Variants in KCTD16 observed in about 807,000 individuals in gnomAD.
The protein encoded by KCTD16 is BTB/POZ domain-containing protein KCTD16.
Under a neutral mutation model 33.2 loss-of-function variants are expected in KCTD16, and 13 were observed. That is an observed-to-expected ratio of 0.39 (90% CI 0.25 to 0.62). The LOEUF (loss-of-function observed/expected upper bound fraction) is 0.62, where lower values mean the gene tolerates loss of function less well. KCTD16 is among the 20% of genes least tolerant of loss of function. KCTD16 has a pLI of 0.50. For synonymous variants in KCTD16, 197 were observed against 195.3 expected (o/e 1.01, Z -0.07); for missense variants, 441 against 525.1 (o/e 0.84, Z 1.57).
intron 3 of KCTD16, among the ~76,000 whole-genome samples, chr5:144,411,507 C>G (rs929964628): frequency 1.1e-4 from 16 of 152,120 alleles, no homozygotes; most frequent in African/African-American, 3.6e-4. Context: ...CGAGTCTTCT[C>G]TCTCTCACCA....
At chr5:144,227,392 G>T (rs1310602893) in intron 3 of KCTD16, among the ~76,000 whole-genome samples, 1 of 152,178 alleles carries the variant, frequency 6.6e-6, no homozygotes, top group Non-Finnish European at 1.5e-5. Flanking sequence ...GAAGGGTAGT[G>T]TAGCTGGAAC....
chr5:144,398,498 G>C (rs1296506589), intron 3 of KCTD16, among the ~76,000 whole-genome samples: 2 of 152,172 alleles, frequency 1.3e-5, no homozygotes, highest in Non-Finnish European at 2.9e-5. Flanking sequence ...GAAAAAGTGA[G>C]AATTTTCTTT....
intron 3 of KCTD16, among the ~76,000 whole-genome samples, chr5:144,364,347 T>C (rs1751784673): frequency 2.0e-5 from 3 of 152,204 alleles, no homozygotes; most frequent in South Asian, 4.1e-4. Flanking sequence ...TTTCATTTTT[T>C]TGTTTTCTCT....
intron 3 of KCTD16, among the ~76,000 whole-genome samples, chr5:144,470,486 G>A (rs1483089695): frequency 2.0e-5 from 3 of 152,094 alleles, no homozygotes; most frequent in Non-Finnish European, 2.9e-5. Flanking sequence ...TGGATCAGCT[G>A]GATGGGGCCC....
At chr5:144,363,375 T>C (rs78002145) in intron 3 of KCTD16, among the ~76,000 whole-genome samples, 7,365 of 152,006 alleles carry the variant, frequency 0.048, 592 homozygotes, top group African/African-American at 0.16. Flanking sequence ...TATGTGTGTG[T>C]GTGCTAAAGT....
At chr5:144,290,125 A>G (rs571905313) in intron 3 of KCTD16, among the ~76,000 whole-genome samples, 6 of 152,042 alleles carry the variant, frequency 3.9e-5, no homozygotes, top group Non-Finnish European at 8.8e-5. Flanking sequence ...TAAAAAATAT[A>G]TATATACACA....
rs1752338673 is a variant in KCTD16 at position 144,387,019 on chromosome 5, T to C, written c.833-86641T>C. 2.0e-5 allele frequency among the ~76,000 whole-genome samples: 3 copies of C among 151,974 alleles called. No homozygotes were observed. In the South Asian group the frequency reaches 6.2e-4, roughly 32 times the overall value. On this transcript the variant is annotated intron_variant, in intron 3 of 3. Transcript: ENST00000512467. ...ACAATCCTCCTCTGTTGGGGTACAG[T>C]GCAGTGGCTGGTTCATGGCTCACTG...
chr5:144,444,663 CATTTTCTTCTGGCATAAAGTCTTACTAT>C (rs1753781638), intron 3 of KCTD16, among the ~76,000 whole-genome samples: 2 of 151,794 alleles, frequency 1.3e-5, no homozygotes, highest in Non-Finnish European at 2.9e-5. Context: ...CGTGATACTA[CATTTTCTTCTGGCATAAAGTCTTACTAT>C]CAAAAAATCT....
rs535318716 is a variant in KCTD16 at position 144,227,197 on chromosome 5, G to A, written c.832+19651G>A. On this transcript the variant is annotated intron_variant, in intron 3 of 3. Transcript: ENST00000512467. The stretch of plus-strand genomic sequence containing the variant: ...ACACTATGGAGAATGAAGCAGGCTG[G>A]GTTTAGGGATGTGTGTTGGAATTTT... Among the ~76,000 whole-genome samples the A allele has an allele frequency of 4.6e-5, 7 of 152,300 alleles. No homozygotes were observed. In the South Asian group the frequency reaches 1.4e-3, roughly 32 times the overall value.
intron 3 of KCTD16, among the ~76,000 whole-genome samples, chr5:144,374,008 A>G (rs895301982): frequency 2.0e-5 from 3 of 152,206 alleles, no homozygotes; most frequent in East Asian, 1.9e-4. Context: ...TCTCCCTTAT[A>G]TGAACCTCTT....
intron 3 of KCTD16, among the ~76,000 whole-genome samples, chr5:144,463,884 C>T (rs931987609): frequency 3.9e-5 from 6 of 152,130 alleles, no homozygotes; most frequent in African/African-American, 1.4e-4. Flanking sequence ...TAGGCTCTGC[C>T]TATATGGGAA....
At chr5:144,359,871 A>G (rs1751665111) in intron 3 of KCTD16, among the ~76,000 whole-genome samples, 1 of 152,046 alleles carries the variant, frequency 6.6e-6, no homozygotes, top group Admixed American at 6.5e-5. Context: ...AAACTTGTGC[A>G]AAGCCTTGTG....
At chr5:144,279,234 G>A (rs527731199) in intron 3 of KCTD16, among the ~76,000 whole-genome samples, 57 of 152,266 alleles carry the variant, frequency 3.7e-4, no homozygotes, top group African/African-American at 1.3e-3. Context: ...AGACAAATAT[G>A]TTGCCTATGA....
At chr5:144,439,800 G>A (rs571280874) in intron 3 of KCTD16, among the ~76,000 whole-genome samples, 3 of 152,220 alleles carry the variant, frequency 2.0e-5, no homozygotes, top group South Asian at 4.1e-4. Context: ...CAGGTATCGT[G>A]TAAACTTGCT....
chr5:144,181,290 C>A (rs1290477539), intron 2 of KCTD16, among the ~76,000 whole-genome samples: 1 of 152,152 alleles, frequency 6.6e-6, no homozygotes, highest in Non-Finnish European at 1.5e-5. Context: ...GTTTTTAAAA[C>A]CACCACTTCT....
At chr5:144,465,188 C>G (rs1383084593) in intron 3 of KCTD16, among the ~76,000 whole-genome samples, 7 of 63,670 alleles carry the variant, frequency 1.1e-4, no homozygotes, top group Admixed American at 9.4e-4. Context: ...CTCTCCCCCC[C>G]CTCTCTCTCT....
intron 3 of KCTD16, among the ~76,000 whole-genome samples, chr5:144,288,388 G>T (rs567460682): frequency 2.0e-5 from 3 of 152,130 alleles, no homozygotes; most frequent in Non-Finnish European, 2.9e-5. Flanking sequence ...CCTGTTAGAT[G>T]AGATGTGGGA....
At chr5:144,171,222 G>T (rs944473445) in intron 1 of KCTD16, among the ~76,000 whole-genome samples, 3 of 152,134 alleles carry the variant, frequency 2.0e-5, no homozygotes, top group Non-Finnish European at 4.4e-5. Context: ...ATATTCTTTA[G>T]TGTTCCATAA....
At chr5:144,209,327 T>C (rs1336219626) in intron 3 of KCTD16, among the ~76,000 whole-genome samples, 1 of 152,184 alleles carries the variant, frequency 6.6e-6, no homozygotes, top group Non-Finnish European at 1.5e-5. Context: ...ACGATTTCCC[T>C]TTAGATTTAT....
Sources: allele counts gnomAD v4.1 joint callset (sites outside exome capture counted in the v4.1 genomes callset), GRCh38; gene constraint gnomAD v4.1.1; transcripts MANE v1.5; gene names NCBI Gene and HGNC (gene_info 2026-07-23, HGNC 2026-07-21).